The following SPTB variants were observed in gnomAD, a reference collection of about 807,000 sequenced individuals.
SPTB encodes the protein spectrin beta chain, erythrocytic.
A neutral mutation model predicts 256.2 loss-of-function variants in SPTB; 45 were observed. The observed-to-expected ratio is 0.18, with a 90% CI of 0.14 to 0.23. SPTB has a LOEUF of 0.23. Ranked by LOEUF, SPTB falls within the 10% of genes least tolerant of loss-of-function variation. SPTB has a pLI of 1.00. For synonymous variants in SPTB, 1,231 were observed against 1,243.1 expected (o/e 0.99, Z 0.21); for missense variants, 2,715 against 3,040.4 (o/e 0.89, Z 2.52).
At chr14:64,872,113 CTA>C (rs1312682738) in intron 1 of SPTB, among the ~76,000 whole-genome samples, 2 of 152,092 alleles carry the variant, frequency 1.3e-5, no homozygotes, top group Non-Finnish European at 2.9e-5. Flanking sequence ...TCTGCCAAGA[CTA>C]TTCCAAGTCA....
rs1443990479 is a variant in SPTB, at chr14:64,827,292, G to T, written c.-51-4147C>A. ...AAAGTGAGAAGCAACAAAGCACAAA[G>T]ATCTACTTCCGAAGTGGGAAACCGG... On this transcript the variant is annotated intron_variant, in intron 1 of 35. Transcript: ENST00000644917. The surrounding 1 kb of genome is among the most constrained non-coding windows in gnomAD (Gnocchi z 4.6). Among the ~76,000 whole-genome samples, 1 of 152,224 alleles carries T rather than the reference G, an allele frequency of 6.6e-6. No individual in the cohort carries two copies. The highest frequency in any genetic ancestry group is 1.5e-5 in the Non-Finnish European group (1 of 68,034).
rs779601232 is a variant in SPTB at position 64,771,023 on chromosome 14, G to A, written c.5660C>T (p.Ala1887Val). ...GCGCCCGGCACAGGCATCGAGCAGC[G>A]CCTGCCACGCGGCAGACACCTCCTG... Reference protein sequence around the residue: ...KEQEVSAAWQALLDACAGRRT... With the variant: ...KEQEVSAAWQVLLDACAGRRT... The change falls in exon 27 of 36, where the codon GCG becomes GTG. Residue 1887 changes from alanine (A) to valine (V), a missense_variant. Coordinates refer to ENST00000644917, the MANE Select transcript of SPTB (RefSeq NM_001355436.2). 7.4e-6 allele frequency: 12 copies of A among 1,614,156 alleles called. No homozygotes were observed. Among genetic ancestry groups the A allele is most frequent in the South Asian group, 2.2e-5 (2 of 91,084 alleles).
chr14:64,791,063 A>G (rs1344495508), intron 15 of SPTB, among the ~76,000 whole-genome samples: 1 of 152,240 alleles, frequency 6.6e-6, no homozygotes, highest in South Asian at 2.1e-4. Context: ...GTCCAGGGAA[A>G]TATAGCATGA....
chr14:64,850,270 G>A (rs2083761710), intron 1 of SPTB, among the ~76,000 whole-genome samples: 1 of 152,216 alleles, frequency 6.6e-6, no homozygotes, highest in Non-Finnish European at 1.5e-5. Flanking sequence ...TCAGGTGGGT[G>A]AATGAGTGGC....
chr14:64,829,890 C>T (rs578194289), intron 1 of SPTB, among the ~76,000 whole-genome samples: 1 of 152,154 alleles, frequency 6.6e-6, no homozygotes, highest in Non-Finnish European at 1.5e-5. Context: ...TGCCAGCCTT[C>T]TTTCAGTTCT....
At chr14:64,766,032 T>G (rs2082172462) in intron 32 of SPTB, among the ~76,000 whole-genome samples, 1 of 145,498 alleles carries the variant, frequency 6.9e-6, no homozygotes, top group African/African-American at 2.7e-5. Context: ...TATGTGTGTA[T>G]GTGGGTGTGT....
chr14:64,794,474 C>A lies in SPTB; in HGVS notation c.1788G>T (p.Glu596Asp). The A allele has an allele frequency of 6.2e-7, 1 of 1,614,204 alleles. No homozygotes were observed. The highest frequency in any genetic ancestry group is 8.5e-7 in the Non-Finnish European group (1 of 1,180,044). The change falls in exon 13 of 36, where the codon GAG becomes GAT. Residue 596 changes from glutamate to aspartate, a missense_variant. This residue lies in a region of SPTB where 2,239 missense variants were observed against 2,384.4 expected (regional missense o/e 0.94). Coordinates refer to ENST00000644917, the MANE Select transcript of SPTB (RefSeq NM_001355436.2). ...AITAATLKFTEGKGYQPCDPQ... is the reference protein window; with the variant it reads ...AITAATLKFTDGKGYQPCDPQ... ...AGACAGACTTGGTCTCACCTTTCCC[C>A]TCGGTGAACTTCAGGGTGGCTGCGG...
chr14:64,877,551 T>C (rs1245749727), intron 1 of SPTB, among the ~76,000 whole-genome samples: 1 of 152,226 alleles, frequency 6.6e-6, no homozygotes, highest in Admixed American at 6.5e-5. Flanking sequence ...AGCTACCTTA[T>C]AGAGTTACCA....
intron 1 of SPTB, among the ~76,000 whole-genome samples, chr14:64,842,366 A>G (rs1048841156): frequency 6.6e-6 from 1 of 152,222 alleles, no homozygotes; most frequent in Non-Finnish European, 1.5e-5. Flanking sequence ...TGGCAGAAAT[A>G]GTAGACTAAG....
intron 2 of SPTB, among the ~76,000 whole-genome samples, chr14:64,822,582 G>A (rs995864189): frequency 6.6e-6 from 1 of 151,982 alleles, no homozygotes; most frequent in Non-Finnish European, 1.5e-5. Context: ...CTAGGCCCAG[G>A]CAGGAAATCG....
intron 1 of SPTB, among the ~76,000 whole-genome samples, chr14:64,830,899 C>T (rs972720402): frequency 2.6e-5 from 4 of 152,204 alleles, no homozygotes; most frequent in Non-Finnish European, 5.9e-5. Context: ...ATTTATGTCA[C>T]ATCCCATACC....
In SPTB at chr14:64,794,555, C is replaced by T. The variant is rs139116435; in HGVS notation, c.1707G>A (p.Lys569=). Residue 569 remains lysine, a synonymous_variant, in exon 13 of 36, where the codon AAG becomes AAA. Coordinates refer to ENST00000644917, the MANE Select transcript of SPTB (RefSeq NM_001355436.2). ...HLLEVEDLLQ[K]HKLMEADIAI... ...CGATGTCAGCTTCCATCAACTTGTG[C>T]TTCTGTAGCAGGTCTTCAACCTCCA... is the stretch of plus-strand genomic sequence containing the variant. 1.1e-3 allele frequency: 1,782 copies of T among 1,614,190 alleles called. 27 individuals carry two copies. The African/African-American group carries it at 0.021, about 19-fold the overall frequency.
intron 26 of SPTB, 146 bp from the exon 27 acceptor site, chr14:64,771,275 G>A: frequency 1.6e-6 from 2 of 1,271,610 alleles, no homozygotes; most frequent in Non-Finnish European, 2.3e-6. Flanking sequence ...CACCCAGTGG[G>A]TGCTGTAGGA....
chr14:64,868,414 A>G (rs1419474265), intron 1 of SPTB, among the ~76,000 whole-genome samples: 1 of 152,186 alleles, frequency 6.6e-6, no homozygotes, highest in East Asian at 1.9e-4. Flanking sequence ...GCAGAAAAGC[A>G]GATTTGGAGT....
rs1263492626 is a variant in SPTB at position 64,759,724 on chromosome 14, C to T, written c.6346-5931G>A. Among the ~76,000 whole-genome samples, 2 of 152,222 alleles carry T rather than the reference C, an allele frequency of 1.3e-5. No homozygotes were observed. Among genetic ancestry groups the T allele is most frequent in the African/African-American group, 4.8e-5 (2 of 41,460 alleles). On this transcript the variant is annotated intron_variant, in intron 32 of 35. Coordinates refer to ENST00000644917, the MANE Select transcript of SPTB (RefSeq NM_001355436.2). This position sits in a 1 kb window ranked among gnomAD's most constrained non-coding sequence, Gnocchi z 4.8. Reference sequence around the variant, plus strand: ...GTAAGGCAGGGGCTGCTGCTGGAGTCCTCAGGTCATCAGGAAGATGCAGAT... The same window carrying T: ...GTAAGGCAGGGGCTGCTGCTGGAGTTCTCAGGTCATCAGGAAGATGCAGAT...
chr14:64,747,114 T>G lies in SPTB; in HGVS notation c.*2192A>C, dbSNP rs904558001. The stretch of plus-strand genomic sequence containing the variant: ...GGACCTGGGGTGGTGAGATGCTAGC[T>G]CTTCCACTAGAGCCCTTCCTTTCTC... On this transcript the variant is annotated 3_prime_UTR_variant, in exon 36 of 36. Transcript: ENST00000644917. The G allele has an allele frequency of 6.6e-5, 10 of 152,518 alleles. No individual in the cohort carries two copies. Among genetic ancestry groups the G allele is most frequent in the African/African-American group, 1.7e-4 (7 of 41,440 alleles). The allele number at this position is 152,518 out of a possible 1,614,324, so 9.4% of individuals were successfully genotyped here.
chr14:64,774,581 C>A (rs1204925492), intron 23 of SPTB, 54 bp from the exon 24 acceptor site: 2 of 1,550,354 alleles, frequency 1.3e-6, no homozygotes, highest in African/African-American at 2.7e-5. Flanking sequence ...TGATCCCTCC[C>A]TTGGCAAGTT....
At chr14:64,756,749 A>C (rs922428461) in intron 32 of SPTB, 1 of 152,226 alleles carries the variant, frequency 6.6e-6, no homozygotes, top group African/African-American at 2.4e-5. Context: ...TGCACTCCCA[A>C]AATGGACAGA....
chr14:64,787,050 T>C lies in SPTB; in HGVS notation c.2915A>G (p.Asp972Gly). 1.2e-6 allele frequency: 2 copies of C among 1,614,002 alleles called. No individual in the cohort carries two copies. ...TGTGGACTCCACTACCTTTGTCTTG[T>C]CCGTGATCCACTTGCTGGTCTCCTC... is the stretch of plus-strand genomic sequence containing the variant. Reference protein sequence around the residue: ...DCEETSKWITDKTKVVESTKD... With the variant: ...DCEETSKWITGKTKVVESTKD... Residue 972 changes from aspartate to glycine, a missense_variant, in exon 16 of 36, where the codon GAC becomes GGC. By Grantham distance (94) the Asp-to-Gly change is moderately conservative (BLOSUM62 -1). Transcript: ENST00000644917.
Sources: allele counts gnomAD v4.1 joint callset (sites outside exome capture counted in the v4.1 genomes callset), GRCh38; gene constraint gnomAD v4.1.1; regional missense constraint gnomAD v4.1.1; non-coding constraint Gnocchi (gnomAD v3.1); transcripts MANE v1.5; gene names NCBI Gene and HGNC (gene_info 2026-07-23, HGNC 2026-07-21).